HAO1: variants seen among roughly 807,000 people sequenced by gnomAD.
HAO1 encodes the protein 2-Hydroxyacid oxidase 1.
In HAO1, 34 loss-of-function variants were observed where a neutral mutation model predicts 39.7. The ratio of observed to expected loss-of-function variants is 0.86; its 90% CI spans 0.65 to 1.14. The LOEUF (loss-of-function observed/expected upper bound fraction) is 1.14. Among genes scored for constraint, HAO1 ranks in the 50% most tolerant of loss-of-function variants. HAO1 has a pLI of 0.00. For missense variants in HAO1, 479 were observed against 464.5 expected, an observed-to-expected ratio of 1.03 and a Z score of -0.29; for synonymous variants, 172 against 173.2, an observed-to-expected ratio of 0.99 and a Z score of 0.05.
Position 7,940,440 on chromosome 20 carries a change from A to G in HAO1, c.-18T>C, listed in dbSNP as rs2050436060. The G allele has an allele frequency of 6.3e-7, 1 of 1,580,368 alleles. No homozygotes were observed. The highest frequency in any genetic ancestry group is 1.2e-5 in the South Asian group (1 of 84,360). ...GGGAGCATTTTCACAGGTTATTGCT[A>G]TCCCAGATGGAGTTCGTTGTTTTTT... On this transcript the variant is annotated 5_prime_UTR_variant, in exon 1 of 8. Transcript: ENST00000378789.
At chr20:7,895,022 C>A in intron 5 of HAO1, 111 bp downstream of exon 5, 1 of 739,996 alleles carries the variant, frequency 1.4e-6, no homozygotes, top group Non-Finnish European at 2.4e-6. Flanking sequence ...ACGTATTTCA[C>A]CTTGAGTGAT....
At chr20:7,932,313 A>G (rs928197868) in intron 2 of HAO1, among the ~76,000 whole-genome samples, 12 of 152,170 alleles carry the variant, frequency 7.9e-5, no homozygotes, top group African/African-American at 2.7e-4. Context: ...GAAGGAACTA[A>G]TACATGTGGT....
At chr20:7,921,557 G>A (rs985774381) in intron 2 of HAO1, among the ~76,000 whole-genome samples, 5 of 152,094 alleles carry the variant, frequency 3.3e-5, no homozygotes, top group Non-Finnish European at 7.4e-5. Context: ...ATTTCTCAAA[G>A]ACCTGAGAGT....
At chr20:7,887,685 A>G (rs1319736224) in intron 5 of HAO1, among the ~76,000 whole-genome samples, 3 of 152,214 alleles carry the variant, frequency 2.0e-5, no homozygotes, top group Admixed American at 6.5e-5. Context: ...CCAAAAAAAA[A>G]TACTATCTAG....
chr20:7,909,592 C>T (rs1307498616), intron 3 of HAO1, among the ~76,000 whole-genome samples: 1 of 151,164 alleles, frequency 6.6e-6, no homozygotes, highest in African/African-American at 2.4e-5. Context: ...CTCAAATATA[C>T]TTTTTAATAT....
intron 7 of HAO1, 67 bp downstream of exon 7, chr20:7,885,454 C>A (rs1223278616): frequency 9.9e-7 from 1 of 1,014,500 alleles, no homozygotes; most frequent in South Asian, 1.3e-5. Context: ...ATTCACTTCT[C>A]TCCACCAAGG....
At chr20:7,939,383 GA>G (rs1349871153) in intron 1 of HAO1, among the ~76,000 whole-genome samples, 2 of 152,120 alleles carry the variant, frequency 1.3e-5, no homozygotes, top group African/African-American at 4.8e-5. Flanking sequence ...TTTAAATATG[GA>G]AAACTGATTT....
chr20:7,895,739 T>G (rs1174223306), intron 4 of HAO1, among the ~76,000 whole-genome samples: 1 of 152,140 alleles, frequency 6.6e-6, no homozygotes, highest in Non-Finnish European at 1.5e-5. Flanking sequence ...TAAATATATG[T>G]TTGCTCATTG....
At chr20:7,897,312 C>T (rs2050202086) in intron 4 of HAO1, among the ~76,000 whole-genome samples, 1 of 152,144 alleles carries the variant, frequency 6.6e-6, no homozygotes, top group Admixed American at 6.6e-5. Flanking sequence ...ACTCTAATGA[C>T]TTACATTATC....
At chr20:7,903,873 T>G in intron 4 of HAO1, among the ~76,000 whole-genome samples, 1 of 126,966 alleles carries the variant, frequency 7.9e-6, no homozygotes, top group Non-Finnish European at 1.7e-5. Context: ...GTGGTGGTGG[T>G]GGTGGTGGTG....
chr20:7,888,668 T>C (rs2050161006), intron 5 of HAO1, among the ~76,000 whole-genome samples: 1 of 152,208 alleles, frequency 6.6e-6, no homozygotes, highest in African/African-American at 2.4e-5. Context: ...ATTTTGCTGA[T>C]TGTTTGCAAC....
intron 4 of HAO1, among the ~76,000 whole-genome samples, chr20:7,905,022 A>T (rs1329884588): frequency 6.6e-6 from 1 of 152,234 alleles, no homozygotes; most frequent in Non-Finnish European, 1.5e-5. Context: ...AGTAGGAAAC[A>T]GTGAACAATT....
At position 7,906,221 on chromosome 20, in the gene HAO1, G is replaced by C; in HGVS notation, c.654C>G (p.Ser218Arg). The part of the protein sequence containing the change: ...YVAKAIDPSI[S>R]WEDIKWLRRL... ...TTCTCAGCCATTTGATATCTTCCCA[G>C]CTGATAGATGGGTCTATTGCTTTAG... is the stretch of plus-strand genomic sequence containing the variant. The change falls in exon 4 of 8, where the codon AGC becomes AGG. Residue 218 changes from serine (S) to arginine (R), a missense_variant. Transcript: ENST00000378789. 4 of 1,608,860 alleles carry C rather than the reference G, an allele frequency of 2.5e-6. No homozygotes were observed. Among genetic ancestry groups the C allele is most frequent in the Non-Finnish European group, 2.6e-6 (3 of 1,175,316 alleles).
intron 4 of HAO1, among the ~76,000 whole-genome samples, chr20:7,902,428 G>C (rs543320532): frequency 1.3e-5 from 2 of 152,324 alleles, no homozygotes; most frequent in African/African-American, 4.8e-5. Context: ...AGACTCAGGT[G>C]ATCATTAGCA....
intron 2 of HAO1, among the ~76,000 whole-genome samples, chr20:7,916,021 A>T (rs1226882165): frequency 6.6e-6 from 1 of 152,180 alleles, no homozygotes; most frequent in African/African-American, 2.4e-5. Flanking sequence ...AAGTAGACAC[A>T]TCCTTTTGAG....
intron 3 of HAO1, among the ~76,000 whole-genome samples, chr20:7,911,887 G>T (rs2050281586): frequency 6.6e-6 from 1 of 152,214 alleles, no homozygotes; most frequent in Non-Finnish European, 1.5e-5. Context: ...TGAGCTTTTG[G>T]GGTGTATTTG....
chr20:7,920,102 T>C (rs2050324079), intron 2 of HAO1, among the ~76,000 whole-genome samples: 1 of 152,140 alleles, frequency 6.6e-6, no homozygotes, highest in Non-Finnish European at 1.5e-5. Flanking sequence ...AATCCCCATG[T>C]GTTGAGGGAA....
At position 7,920,058 on chromosome 20, in the gene HAO1, A is replaced by C. The variant is rs375451422; in HGVS notation, c.290-5639T>G. Among the ~76,000 whole-genome samples, 5 of 152,198 alleles carry C rather than the reference A, an allele frequency of 3.3e-5. No individual in the cohort carries two copies. The South Asian group carries it at 1.0e-3, about 32-fold the overall frequency. Reference sequence around the variant, plus strand: ...GTGTCCCCACCCAAATCTTATCTCAAATTTTAATCCCACGCATCAAGGCAG... The same window carrying C: ...GTGTCCCCACCCAAATCTTATCTCACATTTTAATCCCACGCATCAAGGCAG... On this transcript the variant is annotated intron_variant, in intron 2 of 7. Transcript: ENST00000378789.
chr20:7,927,021 A>G (rs940070661), intron 2 of HAO1, among the ~76,000 whole-genome samples: 2 of 152,128 alleles, frequency 1.3e-5, no homozygotes, highest in Non-Finnish European at 2.9e-5. Context: ...ATAAATGAAT[A>G]TTTAATCCTT....
Sources: allele counts gnomAD v4.1 joint callset (sites outside exome capture counted in the v4.1 genomes callset), GRCh38; gene constraint gnomAD v4.1.1; transcripts MANE v1.5; gene names NCBI Gene and HGNC (gene_info 2026-07-23, HGNC 2026-07-21).